The following UBR4 variants were observed in gnomAD, a reference collection of about 807,000 sequenced individuals.
The protein encoded by UBR4 is E3 ubiquitin-protein ligase UBR4.
In UBR4, 124 loss-of-function variants were observed where a neutral mutation model predicts 575.6. That is an observed-to-expected ratio of 0.22 (90% CI 0.19 to 0.25). The LOEUF is 0.25. Ranked by LOEUF, UBR4 falls within the 10% of genes least tolerant of loss-of-function variation. The probability of loss-of-function intolerance (pLI) is 1.00; values close to 1 mark genes in which losing one functional copy is unlikely to be tolerated. For synonymous variants in UBR4, 2,455 were observed against 2,473.7 expected, an observed-to-expected ratio of 0.99 and a Z score of 0.22; for missense variants, 4,818 against 6,478.8, an observed-to-expected ratio of 0.74 and a Z score of 8.80.
Position 19,110,578 on chromosome 1 carries a change from C to A in UBR4, c.11893-114G>T, listed in dbSNP as rs140407026. ...GGCTCCAACAGAGACAAAGGACAGA[C>A]GGAGACCCTTGTGCTCCAGGCTCTT... On this transcript the variant is annotated intron_variant, in intron 79 of 105. Transcript: ENST00000375254. The surrounding 1 kb of genome is among the most constrained non-coding windows in gnomAD (Gnocchi z 4.5). 1.9e-5 allele frequency: 26 copies of A among 1,345,976 alleles called. No individual in the cohort carries two copies. Among genetic ancestry groups the A allele is most frequent in the Non-Finnish European group, 2.4e-5 (23 of 949,710 alleles). The allele number at this position is 1,345,976 out of a possible 1,614,324, so 83.4% of individuals were successfully genotyped here.
rs2083667564 is a variant in UBR4, at chr1:19,139,963, G to A, written c.8594-743C>T. ...ACAGAGCACAGCGGGAACACGACTG[G>A]CACAACACAACAGCAACCTCAGAGC... On this transcript the variant is annotated intron_variant, in intron 58 of 105. Coordinates refer to ENST00000375254, the MANE Select transcript of UBR4 (RefSeq NM_020765.3). This position sits in a 1 kb window ranked among gnomAD's most constrained non-coding sequence, Gnocchi z 4.2. Among the ~76,000 whole-genome samples, 2 of 152,104 alleles carry A rather than the reference G, an allele frequency of 1.3e-5. No homozygotes were observed.
rs1393601232 is a variant in UBR4 at position 19,139,282 on chromosome 1, A to G, written c.8594-62T>C. On this transcript the variant is annotated intron_variant, in intron 58 of 105. Coordinates refer to ENST00000375254, the MANE Select transcript of UBR4 (RefSeq NM_020765.3). This position sits in a 1 kb window ranked among gnomAD's most constrained non-coding sequence, Gnocchi z 4.2. ...CAAACAAACAAACAAACAAACAAAA[A>G]ACAAAAAAAACCCCTCCTTGGGATG... 3.9e-6 allele frequency: 6 copies of G among 1,529,870 alleles called. No individual in the cohort carries two copies. The East Asian group carries it at 1.4e-4, about 36-fold the overall frequency. The allele number at this position is 1,529,870 out of a possible 1,614,324, so 94.8% of individuals were successfully genotyped here. A position where few individuals can be genotyped will look rare whatever the true frequency, so the allele number is the denominator to read the frequency against.
intron 105 of UBR4, among the ~76,000 whole-genome samples, chr1:19,075,911 A>G (rs947012021): frequency 6.6e-6 from 1 of 152,220 alleles, no homozygotes; most frequent in African/African-American, 2.4e-5. Context: ...TAAAAAAATG[A>G]AACAAGATCA....
In UBR4 at chr1:19,174,968, G is replaced by A. The variant is rs1000708307; in HGVS notation, c.2839C>T (p.Arg947Ter). 2 of 1,613,642 alleles carry A rather than the reference G, an allele frequency of 1.2e-6. No individual in the cohort carries two copies. The highest frequency in any genetic ancestry group is 1.7e-6 in the Non-Finnish European group (2 of 1,179,840). The change falls in exon 21 of 106, where the codon CGA (arginine) becomes TGA (stop). Residue 947 changes from arginine (R) to a stop codon, truncating the protein, a stop_gained. Coordinates refer to ENST00000375254, the MANE Select transcript of UBR4 (RefSeq NM_020765.3). LOFTEE classifies it high-confidence loss of function. ...SPEASEDDLN[R>*]LDSVACDVLF... is the part of the protein sequence containing the mutation. ...ATTCCTAGTACCACAGAATCAAGTC[G>A]GTTCAAATCATCCTCTGAGGCTTCT...
At chr1:19,138,215 C>T (rs377687511) in intron 59 of UBR4, 34 bp from the exon 60 acceptor site, 1 of 1,472,242 alleles carries the variant, frequency 6.8e-7, no homozygotes, top group African/African-American at 1.4e-5. Flanking sequence ...CACAAATCAA[C>T]TCCCAAAGCA....
chr1:19,168,998 C>T (rs2089032175), intron 27 of UBR4, among the ~76,000 whole-genome samples: 1 of 147,086 alleles, frequency 6.8e-6, no homozygotes, highest in Admixed American at 6.8e-5. Context: ...AAAAAGAAGA[C>T]TCAGTAGTAT....
chr1:19,084,860 GC>G (rs1253321053), intron 101 of UBR4, among the ~76,000 whole-genome samples, 162 bp from the exon 102 acceptor site: 1 of 152,234 alleles, frequency 6.6e-6, no homozygotes, highest in Non-Finnish European at 1.5e-5. Context: ...GCTGGGGCCA[GC>G]AGGACGACAA....
chr1:19,193,448 T>C lies in UBR4; in HGVS notation c.1128A>G (p.Thr376=). The C allele has an allele frequency of 6.2e-7, 1 of 1,614,158 alleles. No homozygotes were observed. The highest frequency in any genetic ancestry group is 1.1e-5 in the South Asian group (1 of 91,080). ...KEDDYESDAA[T]IVQKCLEIYD... ...TTTGGCTTACACATTTCTGGACAAT[T>C]GTAGCTGCGTCACTTTCATAGTCAT... Residue 376 remains threonine (T), a synonymous_variant, in exon 9 of 106, where the codon ACA becomes ACG. Transcript: ENST00000375254.
At chr1:19,130,043 G>A (rs1042446226) in intron 60 of UBR4, among the ~76,000 whole-genome samples, 1 of 151,924 alleles carries the variant, frequency 6.6e-6, no homozygotes, top group Non-Finnish European at 1.5e-5. Context: ...ATACAAAAAA[G>A]GACCAAAAAA....
intron 87 of UBR4, among the ~76,000 whole-genome samples, 196 bp downstream of exon 87, chr1:19,103,888 A>C (rs944234925): frequency 6.6e-6 from 1 of 152,238 alleles, no homozygotes; most frequent in African/African-American, 2.4e-5. Context: ...GAAAAATCCA[A>C]AGTGACTGAG....
intron 48 of UBR4, chr1:19,151,342 C>T (rs553171269): frequency 2.5e-4 from 116 of 470,940 alleles, no homozygotes; most frequent in South Asian, 2.0e-3. Context: ...AATTTCATGT[C>T]AATCTGCCTC....
At chr1:19,084,261 G>A (rs1023704762) in intron 102 of UBR4, among the ~76,000 whole-genome samples, 121 of 152,332 alleles carry the variant, frequency 7.9e-4, no homozygotes, top group African/African-American at 2.6e-3. Context: ...CCAAGGATGC[G>A]GTCTTGGGCT....
intron 54 of UBR4, 26 bp from the exon 55 acceptor site, chr1:19,144,117 G>A (rs371861003): frequency 3.5e-5 from 56 of 1,593,900 alleles, no homozygotes; most frequent in Non-Finnish European, 4.2e-5. Context: ...AAACTGTCAC[G>A]CTTTGCTCTC....
chr1:19,126,487 G>A lies in UBR4; in HGVS notation c.9397C>T (p.Pro3133Ser). ...QLLKPHTTSS[P>S]PDMSPFFLRQ... Reference sequence around the variant, plus strand: ...AGAAAGAATGGGCTCATGTCAGGTGGGGAGGAGGTAGTATGTGGTTTCAGC... The same window carrying A: ...AGAAAGAATGGGCTCATGTCAGGTGAGGAGGAGGTAGTATGTGGTTTCAGC... The change falls in exon 64 of 106, where the codon CCA becomes TCA. Residue 3133 changes from proline to serine, a missense_variant. Transcript: ENST00000375254. 6.2e-7 allele frequency: 1 copy of A among 1,614,166 alleles called. No homozygotes were observed. The highest frequency in any genetic ancestry group is 8.5e-7 in the Non-Finnish European group (1 of 1,180,018).
chr1:19,165,090 CT>C, intron 31 of UBR4, 93 bp from the exon 32 acceptor site: 4 of 1,549,198 alleles, frequency 2.6e-6, no homozygotes, highest in Non-Finnish European at 3.5e-6. Flanking sequence ...GGGGAAATGG[CT>C]TCAAAGCAAG....
At chr1:19,107,256 G>A (rs954900212) in intron 81 of UBR4, among the ~76,000 whole-genome samples, 16 of 152,050 alleles carry the variant, frequency 1.1e-4, no homozygotes, top group African/African-American at 3.9e-4. Flanking sequence ...CTATCCCACG[G>A]CTGATTTGCA....
intron 52 of UBR4, chr1:19,146,153 G>A (rs752975950): frequency 2.0e-6 from 3 of 1,466,206 alleles, no homozygotes; most frequent in Non-Finnish European, 2.7e-6. Flanking sequence ...GAATTAAGTA[G>A]AACGGGGAGC....
At chr1:19,186,426 G>A (rs982491339) in intron 14 of UBR4, 114 bp downstream of exon 14, 46 of 839,132 alleles carry the variant, frequency 5.5e-5, no homozygotes, top group Non-Finnish European at 6.4e-5. Context: ...AGGCTAAGCA[G>A]GTGAAAACAA....
intron 77 of UBR4, 164 bp downstream of exon 77, chr1:19,113,535 G>T: frequency 1.0e-6 from 1 of 989,072 alleles, no homozygotes; most frequent in South Asian, 1.6e-5. Flanking sequence ...TCACGGTGGG[G>T]GAGATGCCGT....
Sources: allele counts gnomAD v4.1 joint callset (sites outside exome capture counted in the v4.1 genomes callset), GRCh38; gene constraint gnomAD v4.1.1; non-coding constraint Gnocchi (gnomAD v3.1); transcripts MANE v1.5; gene names NCBI Gene and HGNC (gene_info 2026-07-23, HGNC 2026-07-21).